Variants in KIF9 observed in about 807,000 individuals in gnomAD.
KIF9 encodes the protein kinesin-like protein KIF9.
A neutral mutation model predicts 94.8 loss-of-function variants in KIF9; 68 were observed. That is an observed-to-expected ratio of 0.72 (90% CI 0.59 to 0.88). The LOEUF (loss-of-function observed/expected upper bound fraction) is 0.88. KIF9 is among the 40% of genes least tolerant of loss of function. The probability of loss-of-function intolerance (pLI) is 0.00; values close to 1 mark genes in which losing one functional copy is unlikely to be tolerated. For missense variants in KIF9, 882 were observed against 982.5 expected, an observed-to-expected ratio of 0.90 and a Z score of 1.37; for synonymous variants, 343 against 362.1, an observed-to-expected ratio of 0.95 and a Z score of 0.60.
intron 10 of KIF9, among the ~76,000 whole-genome samples, chr3:47,254,711 T>C (rs962920775): frequency 6.6e-6 from 1 of 152,188 alleles, no homozygotes; most frequent in Non-Finnish European, 1.5e-5. Context: ...CCAGTCACCA[T>C]GGCCTTAACT....
At chr3:47,246,567 T>A (rs80188808) in intron 12 of KIF9, 8 of 145,456 alleles carry the variant, frequency 5.5e-5, no homozygotes, top group African/African-American at 1.6e-4. Context: ...TTTTTTTTTT[T>A]AATAAAATGT....
intron 1 of KIF9, among the ~76,000 whole-genome samples, chr3:47,279,087 G>T (rs1702155144): frequency 6.6e-6 from 1 of 150,392 alleles, no homozygotes; most frequent in African/African-American, 2.5e-5. Context: ...TTGAGCCTGG[G>T]GAAGCTGAGG....
chr3:47,249,284 T>C (rs1405678140), intron 10 of KIF9, among the ~76,000 whole-genome samples: 2 of 152,082 alleles, frequency 1.3e-5, no homozygotes, highest in African/African-American at 4.8e-5. Flanking sequence ...CAGCTGGGAT[T>C]ATAGGCATGT....
intron 10 of KIF9, 22 bp downstream of exon 10, chr3:47,257,461 C>T: frequency 6.2e-7 from 1 of 1,607,792 alleles, no homozygotes; most frequent in African/African-American, 1.3e-5. Context: ...AGTGGGACAC[C>T]TGTCCACAAC....
At chr3:47,235,702 T>G in intron 19 of KIF9, 85 bp from the exon 20 acceptor site, 1 of 1,131,888 alleles carries the variant, frequency 8.8e-7, no homozygotes, top group Non-Finnish European at 1.3e-6. Flanking sequence ...AGTCCCTTGC[T>G]GGGTTTGTGC....
At chr3:47,232,164 C>T (rs1277182972) in intron 20 of KIF9, among the ~76,000 whole-genome samples, 1 of 152,208 alleles carries the variant, frequency 6.6e-6, no homozygotes, top group African/African-American at 2.4e-5. Context: ...TGTGAGGACA[C>T]AACTAGAAGG....
chr3:47,230,165 C>T (rs562657668), intron 20 of KIF9, among the ~76,000 whole-genome samples: 1 of 152,028 alleles, frequency 6.6e-6, no homozygotes, highest in Non-Finnish European at 1.5e-5. Flanking sequence ...ATGATCCCAG[C>T]ACTTTGGGAA....
chr3:47,235,831 G>A (rs1698982438), intron 19 of KIF9, among the ~76,000 whole-genome samples: 1 of 152,224 alleles, frequency 6.6e-6, no homozygotes, highest in African/African-American at 2.4e-5. Context: ...GCTTTAGAAA[G>A]GTGGCAGTAG....
chr3:47,264,257 G>C (rs758828988), intron 9 of KIF9, 29 bp downstream of exon 9: 1 of 1,578,420 alleles, frequency 6.3e-7, no homozygotes, highest in Non-Finnish European at 8.7e-7. Flanking sequence ...GGGGATTCCA[G>C]CCTGGTTTCA....
chr3:47,264,153 C>T, intron 9 of KIF9, 133 bp downstream of exon 9: 1 of 717,644 alleles, frequency 1.4e-6, no homozygotes, highest in Non-Finnish European at 2.5e-6. Flanking sequence ...GTGGCTCAGA[C>T]TCACCCCTGG....
At chr3:47,251,205 T>G (rs1700250626) in intron 10 of KIF9, among the ~76,000 whole-genome samples, 1 of 152,198 alleles carries the variant, frequency 6.6e-6, no homozygotes, top group Non-Finnish European at 1.5e-5. Flanking sequence ...ATCAGGGTCC[T>G]CCAGCTTGAT....
chr3:47,247,991 C>T lies in KIF9; in HGVS notation c.1128+27G>A, dbSNP rs1700035443. The T allele has an allele frequency of 3.2e-6, 5 of 1,583,418 alleles. No homozygotes were observed. In the South Asian group the frequency reaches 4.4e-5, roughly 14 times the overall value. On this transcript the variant is annotated intron_variant, in intron 11 of 20. Coordinates refer to ENST00000684063, the MANE Select transcript of KIF9 (RefSeq NM_182902.4). ...TCACCCCCTACCCCAGCACCTCTGC[C>T]CTCCTTCTTTGCCTCTAGCCTCTTA...
chr3:47,255,731 C>T (rs1247037878), intron 10 of KIF9, among the ~76,000 whole-genome samples: 2 of 151,800 alleles, frequency 1.3e-5, no homozygotes, highest in African/African-American at 2.4e-5. Context: ...CTCTCCCTCT[C>T]CCTCTCCCTC....
At chr3:47,264,761 T>C (rs1305714849) in intron 8 of KIF9, among the ~76,000 whole-genome samples, 2 of 152,204 alleles carry the variant, frequency 1.3e-5, no homozygotes, top group Non-Finnish European at 2.9e-5. Flanking sequence ...TTTGTCCTTA[T>C]AAAATTCATA....
At chr3:47,280,983 C>T (rs566792141) in intron 1 of KIF9, 2 of 703,064 alleles carry the variant, frequency 2.8e-6, no homozygotes, top group Middle Eastern at 2.3e-4. Flanking sequence ...TCTTACGTCG[C>T]TTCATTTGAG....
At chr3:47,247,570 G>A in intron 11 of KIF9, 93 bp from the exon 12 acceptor site, 2 of 978,656 alleles carry the variant, frequency 2.0e-6, no homozygotes, top group East Asian at 2.4e-5. Flanking sequence ...AAGTGGGGAG[G>A]CTGGGCACAG....
intron 16 of KIF9, 22 bp downstream of exon 16, chr3:47,243,029 G>A: frequency 6.3e-7 from 1 of 1,576,874 alleles, no homozygotes. Flanking sequence ...ATCTGGTGCA[G>A]AAGCTAACAT....
At chr3:47,237,138 A>G (rs564686579) in intron 17 of KIF9, among the ~76,000 whole-genome samples, 108 of 152,198 alleles carry the variant, frequency 7.1e-4, no homozygotes, top group Non-Finnish European at 1.4e-3. Context: ...CTTGTTGCCC[A>G]GGCTAGAGTG....
At chr3:47,268,022 C>T (rs991256264) in intron 5 of KIF9, among the ~76,000 whole-genome samples, 1 of 152,062 alleles carries the variant, frequency 6.6e-6, no homozygotes, top group South Asian at 2.1e-4. Flanking sequence ...CCAGCGTGCA[C>T]TACCACACCT....
Sources: allele counts gnomAD v4.1 joint callset (sites outside exome capture counted in the v4.1 genomes callset), GRCh38; gene constraint gnomAD v4.1.1; transcripts MANE v1.5; gene names NCBI Gene and HGNC (gene_info 2026-07-23, HGNC 2026-07-21).